SPMAP2L: variants seen among roughly 807,000 people sequenced by gnomAD.
SPMAP2L encodes the protein sperm microtubule associated protein 2-like.
At chr4:56,596,364 T>C in the SPMAP2L span, 4 of 768,520 alleles carry the variant, frequency 5.2e-6, no homozygotes, top group Admixed American at 1.5e-4. Flanking sequence ...TGATTATAGG[T>C]TACTGCAAGA....
At chr4:56,578,398 C>G in the SPMAP2L span, among the ~76,000 whole-genome samples, 1 of 151,606 alleles carries the variant, frequency 6.6e-6, no homozygotes, top group Non-Finnish European at 1.5e-5. Flanking sequence ...TAGAAAATAT[C>G]TAACACAAAA....
At chr4:56,544,652 G>T in the SPMAP2L span, among the ~76,000 whole-genome samples, 1 of 151,760 alleles carries the variant, frequency 6.6e-6, no homozygotes, top group Non-Finnish European at 1.5e-5. Context: ...GTCGCAGTTC[G>T]AGTTGCTGGG....
At chr4:56,601,936 T>C in the SPMAP2L span, among the ~76,000 whole-genome samples, 151 of 152,330 alleles carry the variant, frequency 9.9e-4, no homozygotes, top group African/African-American at 3.4e-3. Flanking sequence ...TTTGTTTGCA[T>C]ATGCCTGTAG....
chr4:56,624,658 A>G, the SPMAP2L span, among the ~76,000 whole-genome samples: 1 of 152,338 alleles, frequency 6.6e-6, no homozygotes, highest in African/African-American at 2.4e-5. Flanking sequence ...CTGTGGCTTC[A>G]GAGGGTGGAA....
the SPMAP2L span, among the ~76,000 whole-genome samples, chr4:56,613,554 A>T: frequency 1.3e-5 from 2 of 152,188 alleles, no homozygotes; most frequent in African/African-American, 2.4e-5. Context: ...GAAAAGCAAT[A>T]ACAGACCTCA....
chr4:56,564,219 CACCTCCCAGGCTCAAGCGA>C, the SPMAP2L span, among the ~76,000 whole-genome samples: 4 of 151,506 alleles, frequency 2.6e-5, no homozygotes, highest in Non-Finnish European at 4.4e-5. Context: ...CTGCAATCTC[CACCTCCCAGGCTCAAGCGA>C]ACCTCCCACC....
the SPMAP2L span, among the ~76,000 whole-genome samples, chr4:56,543,875 T>TGAGAGA: frequency 2.6e-4 from 32 of 121,414 alleles, no homozygotes; most frequent in Non-Finnish European, 4.9e-4. Flanking sequence ...TAGCATATAT[T>TGAGAGA]GAGAGAGAGA....
the SPMAP2L span, among the ~76,000 whole-genome samples, chr4:56,585,823 T>C: frequency 1.3e-5 from 2 of 152,168 alleles, no homozygotes; most frequent in Non-Finnish European, 2.9e-5. Context: ...TGGACTACAG[T>C]GTATTTTTTT....
At chr4:56,589,162 T>C in the SPMAP2L span, among the ~76,000 whole-genome samples, 1 of 151,844 alleles carries the variant, frequency 6.6e-6, no homozygotes, top group Non-Finnish European at 1.5e-5. Flanking sequence ...CTAATTTTGG[T>C]ATTTTTAGTC....
At chr4:56,532,144 G>GT in the SPMAP2L span, among the ~76,000 whole-genome samples, 1 of 152,058 alleles carries the variant, frequency 6.6e-6, no homozygotes, top group East Asian at 1.9e-4. Context: ...TATTCCCTTA[G>GT]TAAGTTGGTT....
chr4:56,543,618 G>T, the SPMAP2L span, among the ~76,000 whole-genome samples: 4 of 152,112 alleles, frequency 2.6e-5, no homozygotes, highest in East Asian at 7.9e-4. Context: ...CTTGAACCCG[G>T]GAGGCAGAGG....
the SPMAP2L span, among the ~76,000 whole-genome samples, chr4:56,580,342 C>T: frequency 6.6e-6 from 1 of 151,882 alleles, no homozygotes; most frequent in Non-Finnish European, 1.5e-5. Context: ...CAAAGCAATA[C>T]ACTAAATTAA....
chr4:56,594,109 GTTGCGGATCTTTGT>G, the SPMAP2L span: 1 of 1,607,340 alleles, frequency 6.2e-7, no homozygotes, highest in Non-Finnish European at 8.5e-7. Context: ...TGGACGATTT[GTTGCGGATCTTTGT>G]TTGTGAGTCA....
the SPMAP2L span, among the ~76,000 whole-genome samples, chr4:56,554,325 C>T: frequency 1.3e-5 from 2 of 152,194 alleles, no homozygotes; most frequent in Non-Finnish European, 2.9e-5. Context: ...GTTCCTGTTG[C>T]TCTCCATCTT....
chr4:56,563,141 G>A, the SPMAP2L span, among the ~76,000 whole-genome samples: 1 of 130,432 alleles, frequency 7.7e-6, no homozygotes, highest in Non-Finnish European at 1.6e-5. Context: ...CACCCAGGCT[G>A]GAGTGCGGTG....
chr4:56,617,875 G>A, the SPMAP2L span, among the ~76,000 whole-genome samples: 3 of 152,248 alleles, frequency 2.0e-5, no homozygotes, highest in South Asian at 2.1e-4. Context: ...GAGTCAGGTC[G>A]CCTCTGACTG....
the SPMAP2L span, among the ~76,000 whole-genome samples, chr4:56,536,821 T>C: frequency 1.3e-5 from 2 of 152,142 alleles, no homozygotes; most frequent in Non-Finnish European, 2.9e-5. Context: ...TGGAGTGCAG[T>C]GGCATGATCT....
the SPMAP2L span, among the ~76,000 whole-genome samples, chr4:56,619,843 A>G: frequency 1.3e-5 from 2 of 152,354 alleles, no homozygotes; most frequent in East Asian, 3.9e-4. Flanking sequence ...CCCAATATAT[A>G]TAAGGAACTC....
the SPMAP2L span, among the ~76,000 whole-genome samples, chr4:56,611,332 C>T: frequency 1.3e-5 from 2 of 152,068 alleles, no homozygotes; most frequent in African/African-American, 4.8e-5. Context: ...TAAGAAGTAA[C>T]TGAGGAATGG....
Sources: gnomAD v4.1 joint callset for allele counts (sites outside exome capture counted in the v4.1 genomes callset) on GRCh38, gnomAD v4.1.1 for gene constraint, MANE v1.5 for transcripts, NCBI Gene and HGNC (gene_info 2026-07-23, HGNC 2026-07-21) for gene names.